NUDCD3: variants seen among roughly 807,000 people sequenced by gnomAD.
The protein encoded by NUDCD3 is nudC domain-containing protein 3.
Under a neutral mutation model 39.7 loss-of-function variants are expected in NUDCD3, and 13 were observed. That is an observed-to-expected ratio of 0.33 (90% CI 0.21 to 0.52). The LOEUF is 0.52. Ranked by LOEUF, NUDCD3 falls within the 20% of genes least tolerant of loss-of-function variation. The pLI, the probability that NUDCD3 is intolerant of heterozygous loss-of-function variation, is 0.96. For missense variants in NUDCD3, 453 were observed against 458.1 expected (o/e 0.99, Z 0.10); for synonymous variants, 175 against 172.4 (o/e 1.02, Z -0.12).
intron 3 of NUDCD3, among the ~76,000 whole-genome samples, chr7:44,412,095 C>A (rs149597115): frequency 6.6e-6 from 1 of 152,238 alleles, no homozygotes; most frequent in Non-Finnish European, 1.5e-5. Flanking sequence ...CTGATAAGAA[C>A]TCTACCACTG....
intron 2 of NUDCD3, among the ~76,000 whole-genome samples, chr7:44,449,678 A>T (rs1799755865): frequency 6.6e-6 from 1 of 152,200 alleles, no homozygotes; most frequent in African/African-American, 2.4e-5. Context: ...CACACACAAA[A>T]AAGGAACTTC....
At chr7:44,401,861 T>G (rs188955118) in intron 4 of NUDCD3, among the ~76,000 whole-genome samples, 12 of 152,302 alleles carry the variant, frequency 7.9e-5, no homozygotes, top group Admixed American at 6.5e-4. Flanking sequence ...GATTGTGCTA[T>G]GGCCCCGGGG....
At chr7:44,409,313 A>G (rs982960816) in intron 3 of NUDCD3, among the ~76,000 whole-genome samples, 5 of 152,216 alleles carry the variant, frequency 3.3e-5, no homozygotes, top group Non-Finnish European at 5.9e-5. Context: ...CCCCTCGACA[A>G]AAACAGGTGT....
intron 5 of NUDCD3, among the ~76,000 whole-genome samples, chr7:44,389,063 C>CA (rs1319863933): frequency 4.6e-5 from 7 of 152,094 alleles, no homozygotes; most frequent in African/African-American, 2.4e-5. Context: ...CCCTAGGGGC[C>CA]AAAAAAACAG....
At chr7:44,434,224 T>G (rs1799424347) in intron 2 of NUDCD3, among the ~76,000 whole-genome samples, 1 of 152,142 alleles carries the variant, frequency 6.6e-6, no homozygotes, top group Non-Finnish European at 1.5e-5. Context: ...ACTCGATGCC[T>G]GGACCCCAGC....
intron 3 of NUDCD3, among the ~76,000 whole-genome samples, chr7:44,424,538 A>G (rs1799198667): frequency 6.6e-6 from 1 of 152,256 alleles, no homozygotes; most frequent in South Asian, 2.1e-4. Context: ...CATGGAAAAA[A>G]GCTCATCATC....
chr7:44,441,877 C>G (rs907115054), intron 2 of NUDCD3, among the ~76,000 whole-genome samples: 6 of 152,118 alleles, frequency 3.9e-5, no homozygotes, highest in African/African-American at 1.4e-4. Context: ...CAAGACAGGG[C>G]CAGCTATGAA....
intron 4 of NUDCD3, among the ~76,000 whole-genome samples, chr7:44,398,396 G>A (rs376918094): frequency 6.6e-6 from 1 of 152,130 alleles, no homozygotes; most frequent in East Asian, 1.9e-4. Context: ...GGTTGGTGGA[G>A]GTTGCTTGAC....
intron 2 of NUDCD3, among the ~76,000 whole-genome samples, chr7:44,447,427 TAAG>T (rs1799708989): frequency 6.6e-6 from 1 of 152,176 alleles, no homozygotes; most frequent in African/African-American, 2.4e-5. Flanking sequence ...GTGACGGTAT[TAAG>T]AAGTGATTAG....
At chr7:44,435,816 C>T (rs1799453293) in intron 2 of NUDCD3, among the ~76,000 whole-genome samples, 1 of 152,172 alleles carries the variant, frequency 6.6e-6, no homozygotes, top group Admixed American at 6.5e-5. Flanking sequence ...CTGAGAGGGC[C>T]TGCCTATTGG....
At chr7:44,396,351 G>C (rs1286169453) in intron 4 of NUDCD3, among the ~76,000 whole-genome samples, 1 of 152,106 alleles carries the variant, frequency 6.6e-6, no homozygotes, top group Non-Finnish European at 1.5e-5. Context: ...GGTCTCAGTT[G>C]CAAAATTTTA....
At chr7:44,402,812 A>G (rs1798750257) in intron 4 of NUDCD3, 7 of 405,578 alleles carry the variant, frequency 1.7e-5, no homozygotes, top group South Asian at 1.1e-4. Context: ...CGGGCTCACT[A>G]GTGTAATACA....
At chr7:44,430,527 A>C (rs1799336586) in intron 2 of NUDCD3, among the ~76,000 whole-genome samples, 1 of 151,810 alleles carries the variant, frequency 6.6e-6, no homozygotes. Flanking sequence ...AAAAAGTCAA[A>C]ATTGTGAAAA....
chr7:44,468,534 C>T (rs1270455949), intron 2 of NUDCD3, among the ~76,000 whole-genome samples: 1 of 151,950 alleles, frequency 6.6e-6, no homozygotes, highest in Non-Finnish European at 1.5e-5. Context: ...AGACTAGAAT[C>T]AGGAAGTAAA....
chr7:44,420,979 A>T (rs942341763), intron 3 of NUDCD3, among the ~76,000 whole-genome samples: 2 of 152,224 alleles, frequency 1.3e-5, no homozygotes, highest in African/African-American at 4.8e-5. Context: ...ATGATGACAG[A>T]ATCAAATTCG....
intron 4 of NUDCD3, among the ~76,000 whole-genome samples, chr7:44,399,767 A>G (rs1172892070): frequency 6.6e-6 from 1 of 152,044 alleles, no homozygotes; most frequent in African/African-American, 2.4e-5. Flanking sequence ...CTAGAATTCC[A>G]CTCTTGAGAA....
chr7:44,402,164 C>T lies in NUDCD3; in HGVS notation c.786+2276G>A, dbSNP rs1025077101. 7.2e-5 allele frequency among the ~76,000 whole-genome samples: 11 copies of T among 152,324 alleles called. No individual in the cohort carries two copies. In the East Asian group the frequency reaches 2.1e-3, roughly 29 times the overall value. ...CATGGGTTTGAGGTCTAGCTCTACC[C>T]GCTTCGCAAGCTACTTACCTTCTCA... On this transcript the variant is annotated intron_variant, in intron 4 of 5. Coordinates refer to ENST00000355451, the MANE Select transcript of NUDCD3 (RefSeq NM_015332.4).
intron 2 of NUDCD3, among the ~76,000 whole-genome samples, chr7:44,462,523 T>C (rs1368418251): frequency 6.6e-6 from 1 of 152,200 alleles, no homozygotes; most frequent in East Asian, 1.9e-4. Flanking sequence ...AATAAAGACA[T>C]CATAAAGCAG....
intron 5 of NUDCD3, among the ~76,000 whole-genome samples, chr7:44,389,505 C>T (rs1423175515): frequency 2.6e-5 from 4 of 152,126 alleles, no homozygotes; most frequent in Admixed American, 6.5e-5. Context: ...GGTGAAACCC[C>T]GTCTCTACTA....
Sources: allele counts gnomAD v4.1 joint callset (sites outside exome capture counted in the v4.1 genomes callset), GRCh38; gene constraint gnomAD v4.1.1; transcripts MANE v1.5; gene names NCBI Gene and HGNC (gene_info 2026-07-23, HGNC 2026-07-21).